The following NKD2 variants were observed in gnomAD, a reference collection of about 807,000 sequenced individuals.
NKD2 encodes the protein protein naked cuticle homolog 2.
Under a neutral mutation model 34.8 loss-of-function variants are expected in NKD2, and 43 were observed. The observed-to-expected ratio is 1.24, with a 90% confidence interval of 0.97 to 1.60. The LOEUF (loss-of-function observed/expected upper bound fraction) is 1.60, where lower values mean the gene tolerates loss of function less well. Ranked by LOEUF, NKD2 falls within the 40% of genes most tolerant of loss-of-function variation. The pLI is 0.00. For missense variants in NKD2, 675 were observed against 627.1 expected (o/e 1.08, Z -0.82); for synonymous variants, 278 against 265.1 (o/e 1.05, Z -0.47).
chr5:1,011,777 C>T lies in NKD2; in HGVS notation c.141+2217C>T, dbSNP rs1349400132. On this transcript the variant is annotated intron_variant, in intron 3 of 9. Transcript: ENST00000296849. The stretch of plus-strand genomic sequence containing the variant: ...AGCAATGCTGGCTCCTGCCTCTGTA[C>T]GTGTCTGAAAACACCAACAGCAGCA... 6.6e-5 allele frequency among the ~76,000 whole-genome samples: 10 copies of T among 152,260 alleles called. No homozygotes were observed. The South Asian group carries it at 1.2e-3, about 19-fold the overall frequency.
chr5:1,036,270 G>T lies in NKD2; in HGVS notation c.673G>T (p.Asp225Tyr). The T allele has an allele frequency of 6.2e-7, 1 of 1,607,286 alleles. No individual in the cohort carries two copies. The highest frequency in any genetic ancestry group is 1.1e-5 in the South Asian group (1 of 90,042). ...LSAHVRRPST[D>Y]PQPCSERGPY... is the part of the protein sequence containing the mutation. ...TGCTCCAAGCAGGAGGCCCAGTACT[G>T]ACCCCCAGCCCTGCTCGGAGCGGGG... The change falls in exon 9 of 10, where the codon GAC (aspartate) becomes TAC (tyrosine). Residue 225 changes from aspartate to tyrosine, a missense_variant. Physicochemically the swap from Asp to Tyr is radical, Grantham distance 160 (BLOSUM62 -3). Coordinates refer to ENST00000296849, the MANE Select transcript of NKD2 (RefSeq NM_033120.4).
intron 6 of NKD2, 104 bp from the exon 7 acceptor site, chr5:1,034,652 G>A: frequency 8.2e-7 from 1 of 1,217,326 alleles, no homozygotes; most frequent in Non-Finnish European, 1.2e-6. Flanking sequence ...GTGGATGCAA[G>A]GATGGCATAG....
At chr5:1,010,075 G>A (rs964046210) in intron 3 of NKD2, among the ~76,000 whole-genome samples, 4 of 152,176 alleles carry the variant, frequency 2.6e-5, no homozygotes, top group Non-Finnish European at 4.4e-5. Context: ...AGGCCTGCTA[G>A]AGGCTCAGGA....
At position 1,034,852 on chromosome 5, in the gene NKD2, G is replaced by A. The variant is rs199906392; in HGVS notation, c.523G>A (p.Val175Ile). ...SSKTLRVKLTVSPEPSSKRKE... is the reference protein window; with the variant it reads ...SSKTLRVKLTISPEPSSKRKE... ...CAAGACCCTCCGTGTGAAGCTAACCGTCAGCCCTGAGCCCTCCAGCAAGAG... is the reference window on the plus strand; with the variant it reads ...CAAGACCCTCCGTGTGAAGCTAACCATCAGCCCTGAGCCCTCCAGCAAGAG... The change falls in exon 7 of 10, where the codon GTC becomes ATC. Residue 175 changes from valine (V) to isoleucine (I), a missense_variant. Transcript: ENST00000296849. 89 of 1,612,624 alleles carry A rather than the reference G, an allele frequency of 5.5e-5. No individual in the cohort carries two copies. Among genetic ancestry groups the A allele is most frequent in the Admixed American group, 2.3e-4 (14 of 59,982 alleles).
intron 9 of NKD2, 188 bp from the exon 10 acceptor site, chr5:1,037,617 A>G (rs1292185291): frequency 1.3e-6 from 2 of 1,535,920 alleles, no homozygotes; most frequent in Non-Finnish European, 1.7e-6. Context: ...GGAGCCAGGC[A>G]GGTCACCCAC....
chr5:1,034,994 G>A (rs1733785563), intron 7 of NKD2, 91 bp downstream of exon 7: 3 of 1,236,608 alleles, frequency 2.4e-6, no homozygotes, highest in African/African-American at 1.5e-5. Flanking sequence ...ACAAGTGAGT[G>A]GATGGAGGAG....
chr5:1,027,722 C>G (rs1048603636), intron 3 of NKD2, among the ~76,000 whole-genome samples: 14 of 152,206 alleles, frequency 9.2e-5, no homozygotes, highest in African/African-American at 3.4e-4. Flanking sequence ...GGCGTTCCAC[C>G]AGAGCTGTGG....
intron 3 of NKD2, among the ~76,000 whole-genome samples, chr5:1,010,259 C>T (rs757111055): frequency 2.0e-5 from 3 of 152,276 alleles, no homozygotes; most frequent in African/African-American, 7.2e-5. Context: ...GTTTGCTGAG[C>T]GTGAGAAAGC....
chr5:1,018,019 G>GC lies in NKD2; in HGVS notation c.141+8465dup, dbSNP rs532494359. ...GGTGAGGAGGCATGGAGGAAGCGTG[G>GC]CCCCCCAGAGGCTTCCAGGCTGGGC... is the stretch of plus-strand genomic sequence containing the variant. On this transcript the variant is annotated intron_variant, in intron 3 of 9. Transcript: ENST00000296849. Among the ~76,000 whole-genome samples the GC allele has an allele frequency of 3.6e-3, 545 of 152,146 alleles. 4 individuals carry two copies. Among genetic ancestry groups the GC allele is most frequent in the African/African-American group, 0.012 (517 of 41,476 alleles).
At chr5:1,013,014 C>T (rs1308346130) in intron 3 of NKD2, among the ~76,000 whole-genome samples, 1 of 152,238 alleles carries the variant, frequency 6.6e-6, no homozygotes, top group African/African-American at 2.4e-5. Flanking sequence ...CGGGCCAGTG[C>T]ACGTGCGCCC....
Position 1,034,312 on chromosome 5 carries a change from CG to C in NKD2, c.411del (p.Lys138ArgfsTer34). 3 of 1,612,544 alleles carry C rather than the reference CG, an allele frequency of 1.9e-6. No individual in the cohort carries two copies. The highest frequency in any genetic ancestry group is 2.5e-6 in the Non-Finnish European group (3 of 1,179,642). On this transcript the variant is annotated frameshift_variant, in exon 6 of 10. Coordinates refer to ENST00000296849, the MANE Select transcript of NKD2 (RefSeq NM_033120.4). LOFTEE classifies it high-confidence loss of function. ...TFTLYDFDNC[G>X]KVTREDMSSL... ...TCACGCTCTATGACTTTGACAACTG[CG>C]GGAAGGTCACCAGGGAGGTAGGTGA...
chr5:1,029,857 T>C (rs1204309708), intron 3 of NKD2, among the ~76,000 whole-genome samples: 1 of 152,200 alleles, frequency 6.6e-6, no homozygotes, highest in Non-Finnish European at 1.5e-5. Flanking sequence ...GTTAAGGCTC[T>C]TTAGCAAGGA....
At chr5:1,025,888 T>A (rs1756372429) in intron 3 of NKD2, among the ~76,000 whole-genome samples, 2 of 104,104 alleles carry the variant, frequency 1.9e-5, no homozygotes, top group Admixed American at 1.1e-4. Context: ...CAGCCCGTTG[T>A]CCCTGCTCTT....
At chr5:1,010,258 G>A (rs1755699465) in intron 3 of NKD2, among the ~76,000 whole-genome samples, 1 of 152,228 alleles carries the variant, frequency 6.6e-6, no homozygotes, top group African/African-American at 2.4e-5. Flanking sequence ...TGTTTGCTGA[G>A]CGTGAGAAAG....
intron 4 of NKD2, among the ~76,000 whole-genome samples, 189 bp downstream of exon 4, chr5:1,032,401 C>T (rs376046884): frequency 4.7e-4 from 72 of 152,346 alleles, no homozygotes; most frequent in African/African-American, 1.5e-3. Context: ...CTGGCAGCTG[C>T]GATCTGGCAG....
At chr5:1,018,068 A>G (rs1053382331) in intron 3 of NKD2, among the ~76,000 whole-genome samples, 1 of 152,078 alleles carries the variant, frequency 6.6e-6, no homozygotes, top group Admixed American at 6.5e-5. Flanking sequence ...GCCCTGAGGC[A>G]GGAGTAGGCC....
intron 3 of NKD2, among the ~76,000 whole-genome samples, chr5:1,010,783 G>A (rs577835841): frequency 6.6e-6 from 1 of 152,330 alleles, no homozygotes; most frequent in East Asian, 1.9e-4. Context: ...GGTATGATTA[G>A]TCAGTGATGT....
chr5:1,031,078 C>A (rs143056728), intron 3 of NKD2, among the ~76,000 whole-genome samples: 2 of 152,270 alleles, frequency 1.3e-5, no homozygotes, highest in African/African-American at 4.8e-5. Context: ...ACCACGGTGG[C>A]AGGAGGCGCT....
chr5:1,036,486 T>TC, intron 9 of NKD2, 102 bp downstream of exon 9: 1 of 695,984 alleles, frequency 1.4e-6, no homozygotes, highest in Non-Finnish European at 2.2e-6. Context: ...CTCCCTGCCC[T>TC]GCCCCGCCCC....
Sources: gnomAD v4.1 joint callset for allele counts (sites outside exome capture counted in the v4.1 genomes callset) on GRCh38, gnomAD v4.1.1 for gene constraint, MANE v1.5 for transcripts, NCBI Gene and HGNC (gene_info 2026-07-23, HGNC 2026-07-21) for gene names.